Variants in SH3PXD2A observed in about 807,000 individuals in gnomAD.
The protein encoded by SH3PXD2A is SH3 and PX domains 2A.
SH3PXD2A carries 32 observed loss-of-function variants against 115.2 expected under a neutral mutation model. The observed-to-expected ratio is 0.28, with a 90% CI of 0.21 to 0.37. The LOEUF is 0.37. Among genes scored for constraint, SH3PXD2A ranks in the 10% least tolerant of loss-of-function variants. The pLI is 1.00. For missense variants in SH3PXD2A, 1,328 were observed against 1,498.7 expected, an observed-to-expected ratio of 0.89 and a Z score of 1.88; for synonymous variants, 610 against 629.1, an observed-to-expected ratio of 0.97 and a Z score of 0.45.
At chr10:103,631,913 T>G (rs889407095) in intron 8 of SH3PXD2A, among the ~76,000 whole-genome samples, 19 of 151,570 alleles carry the variant, frequency 1.3e-4, no homozygotes, top group African/African-American at 4.4e-4. Context: ...AGCCCAGGAG[T>G]TCCAGACCAG....
chr10:103,785,223 G>A lies in SH3PXD2A; in HGVS notation c.153+16059C>T, dbSNP rs182762616. On this transcript the variant is annotated intron_variant, in intron 2 of 14. Transcript: ENST00000369774. ...CCCTGCAAGAGCCACTCCCTTTCCT[G>A]GGCACCTGCCCACTGCTCAGCTATT... Among the ~76,000 whole-genome samples the A allele has an allele frequency of 7.2e-5, 11 of 152,330 alleles. No individual in the cohort carries two copies. In the East Asian group the frequency reaches 1.9e-3, roughly 27 times the overall value.
Position 103,855,283 on chromosome 10 carries a change from AGTGGCGCCCCCG to A in SH3PXD2A, c.-29_-18del. Reference sequence around the variant, plus strand: ...GGCGAGCATCTTCCCCCACAAAGCGAGTGGCGCCCCCGGCGGCGTCACCTTCTCATCCCGGCC... The same window carrying A: ...GGCGAGCATCTTCCCCCACAAAGCGAGCGGCGTCACCTTCTCATCCCGGCC... On this transcript the variant is annotated 5_prime_UTR_variant, in exon 1 of 15. Coordinates refer to ENST00000369774, the MANE Select transcript of SH3PXD2A (RefSeq NM_001394015.1). The A allele has an allele frequency of 6.7e-7, 1 of 1,502,380 alleles. No individual in the cohort carries two copies. The highest frequency in any genetic ancestry group is 2.8e-5 in the East Asian group (1 of 36,148). The allele number at this position is 1,502,380 out of a possible 1,614,324, so 93.1% of individuals were successfully genotyped here.
chr10:103,613,616 G>A (rs997360861), intron 11 of SH3PXD2A, among the ~76,000 whole-genome samples: 3 of 152,176 alleles, frequency 2.0e-5, no homozygotes, highest in Non-Finnish European at 4.4e-5. Flanking sequence ...AGGAAGGGGA[G>A]GTATTATTAG....
chr10:103,818,602 G>A (rs1379901243), intron 1 of SH3PXD2A, among the ~76,000 whole-genome samples: 11 of 152,218 alleles, frequency 7.2e-5, no homozygotes, highest in South Asian at 4.1e-4. Flanking sequence ...CCAATCATGC[G>A]GCAAAACGGG....
chr10:103,698,030 C>T (rs2037845371), intron 5 of SH3PXD2A, among the ~76,000 whole-genome samples: 1 of 152,184 alleles, frequency 6.6e-6, no homozygotes, highest in South Asian at 2.1e-4. Context: ...AAACAGACAG[C>T]CCTGACCCAC....
chr10:103,803,168 C>T (rs1242288563), intron 1 of SH3PXD2A, among the ~76,000 whole-genome samples: 4 of 152,030 alleles, frequency 2.6e-5, no homozygotes, highest in Non-Finnish European at 4.4e-5. Context: ...TTTTCTGAAA[C>T]GCAACCAAGG....
chr10:103,760,280 TA>T (rs1345793616), intron 3 of SH3PXD2A, among the ~76,000 whole-genome samples: 1 of 152,156 alleles, frequency 6.6e-6, no homozygotes, highest in Admixed American at 6.6e-5. Flanking sequence ...AAAATATATG[TA>T]AACCAGGTCA....
Position 103,606,376 on chromosome 10 carries a change from A to ATTTT in SH3PXD2A, c.1309-463_1309-460dup, listed in dbSNP as rs34117845. 4.7e-4 allele frequency among the ~76,000 whole-genome samples: 37 copies of ATTTT among 78,294 alleles called. 1 individual carries two copies. Among genetic ancestry groups the ATTTT allele is most frequent in the East Asian group, 1.1e-3 (3 of 2,650 alleles). 51.4% of individuals were successfully genotyped at this position (78,294 alleles called of 152,430 possible). Reference sequence around the variant, plus strand: ...AGGCACACACCACCACACCTGGTTAATTTTTTTTTTTTTTTTTGGTAGAGA... The same window carrying ATTTT: ...AGGCACACACCACCACACCTGGTTAATTTTTTTTTTTTTTTTTTTTTGGTAGAGA... On this transcript the variant is annotated intron_variant, in intron 13 of 14. Coordinates refer to ENST00000369774, the MANE Select transcript of SH3PXD2A (RefSeq NM_001394015.1).
intron 3 of SH3PXD2A, among the ~76,000 whole-genome samples, chr10:103,757,035 C>T (rs1478744894): frequency 6.6e-6 from 1 of 152,218 alleles, no homozygotes; most frequent in Admixed American, 6.5e-5. Context: ...CTGCCATCTA[C>T]GCTGGAGTAT....
chr10:103,606,530 T>C (rs1369094864), intron 13 of SH3PXD2A, among the ~76,000 whole-genome samples: 1 of 131,704 alleles, frequency 7.6e-6, no homozygotes, highest in African/African-American at 2.8e-5. Context: ...TTCCACGGTC[T>C]CCCTCGGATG....
At chr10:103,669,463 G>A (rs1451110530) in intron 6 of SH3PXD2A, among the ~76,000 whole-genome samples, 1 of 152,226 alleles carries the variant, frequency 6.6e-6, no homozygotes, top group Non-Finnish European at 1.5e-5. Flanking sequence ...TCTGAATGAG[G>A]CAGAAAGCTC....
intron 5 of SH3PXD2A, among the ~76,000 whole-genome samples, chr10:103,700,955 TCCATCCATCCATCCA>T (rs1327434233): frequency 2.0e-5 from 3 of 151,340 alleles, no homozygotes; most frequent in African/African-American, 4.9e-5. Flanking sequence ...CCATCATCCA[TCCATCCATCCATCCA>T]CCATCCATCC....
intron 3 of SH3PXD2A, among the ~76,000 whole-genome samples, chr10:103,747,307 G>A (rs1244041483): frequency 6.6e-6 from 1 of 152,184 alleles, no homozygotes. Flanking sequence ...CCGGCATCAG[G>A]GCCAAGCTGT....
intron 5 of SH3PXD2A, among the ~76,000 whole-genome samples, chr10:103,699,927 G>T (rs893934448): frequency 6.6e-6 from 1 of 152,224 alleles, no homozygotes; most frequent in African/African-American, 2.4e-5. Context: ...CGGAGAGAAG[G>T]GGTCTTGGGG....
At position 103,596,638 on chromosome 10, in the gene SH3PXD2A, C is replaced by CAG. The variant is rs1450658274; in HGVS notation, c.*5177_*5178insCT. On this transcript the variant is annotated 3_prime_UTR_variant, in exon 15 of 15. Transcript: ENST00000369774. ...TTACCAACACTTGCATACACAGACA[C>CAG]ACACACACACACACACACACACACA... 1 of 41,932 alleles carries CAG rather than the reference C, an allele frequency of 2.4e-5. No individual in the cohort carries two copies. Among genetic ancestry groups the CAG allele is most frequent in the Non-Finnish European group, 5.2e-5 (1 of 19,292 alleles). 2.6% of individuals were successfully genotyped at this position (41,932 alleles called of 1,614,324 possible). A position where few individuals can be genotyped will look rare whatever the true frequency, so the allele number is the denominator to read the frequency against.
At chr10:103,617,356 G>T in intron 10 of SH3PXD2A, 42 bp from the exon 11 acceptor site, 1 of 1,409,974 alleles carries the variant, frequency 7.1e-7, no homozygotes, top group Non-Finnish European at 1.0e-6. Flanking sequence ...TGAGGTCGGG[G>T]TGCAGGTCCT....
At chr10:103,609,786 A>T (rs1347941733) in intron 13 of SH3PXD2A, 1 of 152,190 alleles carries the variant, frequency 6.6e-6, no homozygotes, top group Non-Finnish European at 1.5e-5. Context: ...TGGGAAAAAA[A>T]GGTGGGAGGG....
chr10:103,736,362 C>T (rs2038381100), intron 3 of SH3PXD2A, among the ~76,000 whole-genome samples: 2 of 152,208 alleles, frequency 1.3e-5, no homozygotes, highest in Admixed American at 1.3e-4. Context: ...TCCAGCCATA[C>T]GGGCTGCTGC....
At chr10:103,764,373 G>A (rs928193559) in intron 3 of SH3PXD2A, among the ~76,000 whole-genome samples, 9 of 152,294 alleles carry the variant, frequency 5.9e-5, no homozygotes, top group African/African-American at 2.2e-4. Flanking sequence ...GTCCTGGAGA[G>A]TGAGTGAGCT....
Sources: gnomAD v4.1 joint callset for allele counts (sites outside exome capture counted in the v4.1 genomes callset) on GRCh38, gnomAD v4.1.1 for gene constraint, MANE v1.5 for transcripts, NCBI Gene and HGNC (gene_info 2026-07-23, HGNC 2026-07-21) for gene names.